MED13: variants seen among roughly 807,000 people sequenced by gnomAD.
MED13 encodes the protein mediator of RNA polymerase II transcription subunit 13.
Under a neutral mutation model 225.2 loss-of-function variants are expected in MED13, and 23 were observed. That is an observed-to-expected ratio of 0.10 (90% CI 0.07 to 0.14). The LOEUF (loss-of-function observed/expected upper bound fraction) is 0.14. Among genes scored for constraint, MED13 ranks in the 10% least tolerant of loss-of-function variants. The pLI is 1.00. For missense variants in MED13, 2,197 were observed against 2,594.5 expected (o/e 0.85, Z 3.33); for synonymous variants, 942 against 889.2 (o/e 1.06, Z -1.06).
chr17:61,950,384 TG>T (rs988682323), intron 28 of MED13, among the ~76,000 whole-genome samples: 4 of 151,446 alleles, frequency 2.6e-5, no homozygotes, highest in Non-Finnish European at 4.4e-5. Flanking sequence ...AAAAACTAGT[TG>T]TTTTTTTTTT....
At chr17:62,041,851 G>T (rs755490291) in intron 3 of MED13, among the ~76,000 whole-genome samples, 1 of 152,202 alleles carries the variant, frequency 6.6e-6, no homozygotes, top group Non-Finnish European at 1.5e-5. Flanking sequence ...CCAAAGTGCA[G>T]GGATTACAAG....
chr17:61,986,510 ATAT>A (rs1555634584), intron 12 of MED13, among the ~76,000 whole-genome samples: 1 of 152,208 alleles, frequency 6.6e-6, no homozygotes, highest in Non-Finnish European at 1.5e-5. Flanking sequence ...TAAAGATTAA[ATAT>A]TATTTTTTTC....
At chr17:61,962,075 C>A (rs945634198) in intron 21 of MED13, among the ~76,000 whole-genome samples, 3 of 152,090 alleles carry the variant, frequency 2.0e-5, no homozygotes, top group African/African-American at 7.2e-5. Flanking sequence ...ATCACCAGGT[C>A]AAGAGATAGA....
intron 6 of MED13, 85 bp from the exon 7 acceptor site, chr17:62,030,098 T>C (rs1489170176): frequency 8.4e-7 from 1 of 1,184,328 alleles, no homozygotes; most frequent in Non-Finnish European, 1.1e-6. Flanking sequence ...TAATTTGTGA[T>C]ACAAGCTGCT....
In MED13 at chr17:62,011,092, A is replaced by C. The variant is rs753291965; in HGVS notation, c.1425T>G (p.Pro475=). ...SEKPQKRPLT[P]FHHRVSVSDD... ...CACTAACAGACACACGATGGTGAAA[A>C]GGAGTCAAGGGGCGTTTCTGTGGCT... Residue 475 remains proline, a synonymous_variant, in exon 9 of 30, where the codon CCT becomes CCG. Coordinates refer to ENST00000397786, the MANE Select transcript of MED13 (RefSeq NM_005121.3). 6.2e-7 allele frequency: 1 copy of C among 1,614,080 alleles called. No homozygotes were observed.
Position 61,961,863 on chromosome 17 carries a change from T to C in MED13, c.5065-84A>G, listed in dbSNP as rs541566634. The C allele has an allele frequency of 1.8e-5, 23 of 1,274,038 alleles. No homozygotes were observed. In the African/African-American group the frequency reaches 3.0e-4, roughly 17 times the overall value. The allele number at this position is 1,274,038 out of a possible 1,614,324, so 78.9% of individuals were successfully genotyped here. Reference sequence around the variant, plus strand: ...TGTGGGTCTAAAACTCTAAAAACTTTTTACTAGAAAATTTACACAAAACCT... The same window carrying C: ...TGTGGGTCTAAAACTCTAAAAACTTCTTACTAGAAAATTTACACAAAACCT... On this transcript the variant is annotated intron_variant, in intron 21 of 29. Coordinates refer to ENST00000397786, the MANE Select transcript of MED13 (RefSeq NM_005121.3).
intron 20 of MED13, among the ~76,000 whole-genome samples, chr17:61,964,514 G>A (rs575645673): frequency 7.2e-5 from 11 of 152,192 alleles, no homozygotes; most frequent in African/African-American, 2.6e-4. Context: ...GCAGTGAGCC[G>A]TGATCACGCC....
intron 28 of MED13, among the ~76,000 whole-genome samples, chr17:61,949,886 T>C (rs543621680): frequency 3.0e-4 from 46 of 152,174 alleles, no homozygotes; most frequent in African/African-American, 1.1e-3. Flanking sequence ...GGTCTCACCA[T>C]GTTGGCCAGA....
chr17:61,958,141 G>C (rs537109096), intron 23 of MED13, among the ~76,000 whole-genome samples: 1 of 152,120 alleles, frequency 6.6e-6, no homozygotes, highest in African/African-American at 2.4e-5. Flanking sequence ...TGGGATTACA[G>C]GCGTGAGCCA....
intron 9 of MED13, among the ~76,000 whole-genome samples, chr17:61,997,534 T>A (rs960465254): frequency 1.1e-4 from 16 of 152,186 alleles, no homozygotes; most frequent in Non-Finnish European, 2.2e-4. Flanking sequence ...TCTAACTACT[T>A]TGATATGTAC....
At chr17:62,015,836 C>A (rs576706735) in intron 8 of MED13, among the ~76,000 whole-genome samples, 2 of 118,652 alleles carry the variant, frequency 1.7e-5, no homozygotes, top group East Asian at 2.7e-4. Context: ...TATATATATA[C>A]ACACACACTA....
In MED13 at chr17:62,011,129, T is replaced by C. The variant is rs1283274589; in HGVS notation, c.1388A>G (p.Glu463Gly). The change falls in exon 9 of 30, where the codon GAA (glutamate) becomes GGA (glycine). Residue 463 changes from glutamate to glycine, a missense_variant. Physicochemically the swap from Glu to Gly is moderately conservative, Grantham distance 98. Transcript: ENST00000397786. ...GCGTTTCTGTGGCTTTTCACTCTTT[T>C]CTTGCTTCTCATTGGTCTTGTGCTT... ...LPKHKTNEKQ[E>G]KSEKPQKRPL... is the part of the protein sequence containing the mutation. The C allele has an allele frequency of 6.2e-7, 1 of 1,614,236 alleles. No individual in the cohort carries two copies. The highest frequency in any genetic ancestry group is 8.5e-7 in the Non-Finnish European group (1 of 1,180,042).
intron 2 of MED13, among the ~76,000 whole-genome samples, chr17:62,057,529 T>C (rs1399236166): frequency 6.6e-6 from 1 of 151,560 alleles, no homozygotes; most frequent in Non-Finnish European, 1.5e-5. Context: ...TTACTCTCTT[T>C]AGACTATGTG....
At chr17:61,953,181 G>C (rs1308349120) in intron 26 of MED13, 68 bp from the exon 27 acceptor site, 3 of 1,473,334 alleles carry the variant, frequency 2.0e-6, no homozygotes, top group Non-Finnish European at 1.8e-6. Context: ...CACAGGAAAG[G>C]GTCAAAATAA....
chr17:61,960,936 A>G lies in MED13; in HGVS notation c.5411T>C (p.Leu1804Pro). ...TCCATATAGATCTGTGCAAGATGCA[A>G]GAATCCACCTTTGATCATGTGATAA... ...YCLSHDQRWI[L>P]ASCTDLYGEL... Residue 1804 changes from leucine to proline, a missense_variant, in exon 23 of 30, where the codon CTT becomes CCT. Around this residue, in one of 12 missense-constraint regions of MED13, gnomAD observed 78 missense variants for 82.1 expected, o/e 0.95. Coordinates refer to ENST00000397786, the MANE Select transcript of MED13 (RefSeq NM_005121.3). The G allele has an allele frequency of 6.2e-7, 1 of 1,613,888 alleles. No homozygotes were observed.
Position 61,961,034 on chromosome 17 carries a change from G to A in MED13, c.5313C>T (p.Asp1771=), listed in dbSNP as rs1403322923. Reference sequence around the variant, plus strand: ...ATGTTTCTCCTAGCTCTGTCTGTTTGTCCTTCACTGGAGCCAGAATAAAAG... The same window carrying A: ...ATGTTTCTCCTAGCTCTGTCTGTTTATCCTTCACTGGAGCCAGAATAAAAG... The part of the protein sequence containing the change: ...APPFILAPVK[D]KQTELGETFG... The change falls in exon 23 of 30, where the codon GAC becomes GAT. Residue 1771 remains aspartate (D), a synonymous_variant. Transcript: ENST00000397786. 1 of 1,613,908 alleles carries A rather than the reference G, an allele frequency of 6.2e-7. No homozygotes were observed. The highest frequency in any genetic ancestry group is 8.5e-7 in the Non-Finnish European group (1 of 1,179,968).
intron 6 of MED13, 31 bp from the exon 7 acceptor site, chr17:62,030,044 G>A (rs2080740121): frequency 1.4e-6 from 2 of 1,463,218 alleles, no homozygotes; most frequent in Non-Finnish European, 1.8e-6. Flanking sequence ...CAGGCTGTAG[G>A]AGAATAAAGG....
chr17:62,038,144 C>G (rs925885892), intron 3 of MED13, among the ~76,000 whole-genome samples: 1 of 152,022 alleles, frequency 6.6e-6, no homozygotes, highest in Non-Finnish European at 1.5e-5. Context: ...CCTGTTATCT[C>G]AGCACTTGGG....
chr17:61,973,134 T>A (rs1161958906), intron 16 of MED13, among the ~76,000 whole-genome samples: 1 of 152,168 alleles, frequency 6.6e-6, no homozygotes, highest in Non-Finnish European at 1.5e-5. Context: ...TAAAAAGTCA[T>A]TCATTAGCTG....
Sources: allele counts gnomAD v4.1 joint callset (sites outside exome capture counted in the v4.1 genomes callset), GRCh38; gene constraint gnomAD v4.1.1; regional missense constraint gnomAD v4.1.1; transcripts MANE v1.5; gene names NCBI Gene and HGNC (gene_info 2026-07-23, HGNC 2026-07-21).